The following CTPS1 variants were observed in gnomAD, a reference collection of about 807,000 sequenced individuals.
The protein encoded by CTPS1 is CTP synthase 1, also known as CTP synthetase 1.
In CTPS1, 25 loss-of-function variants were observed where a neutral mutation model predicts 80.5. The ratio of observed to expected loss-of-function variants is 0.31; its 90% CI spans 0.23 to 0.43. CTPS1 has a LOEUF of 0.43. Ranked by LOEUF, CTPS1 falls within the 20% of genes least tolerant of loss-of-function variation. The pLI is 1.00. For synonymous variants in CTPS1, 267 were observed against 252.5 expected, an observed-to-expected ratio of 1.06 and a Z score of -0.54; for missense variants, 442 against 725.7, an observed-to-expected ratio of 0.61 and a Z score of 4.49.
intron 18 of CTPS1, among the ~76,000 whole-genome samples, chr1:41,010,511 C>T (rs578113196): frequency 6.6e-6 from 1 of 152,304 alleles, no homozygotes; most frequent in East Asian, 1.9e-4. Flanking sequence ...GGAGCATGGT[C>T]ACTGGGCAGT....
At chr1:40,988,399 C>G (rs1642513570) in intron 4 of CTPS1, 195 bp from the exon 5 acceptor site, 1 of 518,838 alleles carries the variant, frequency 1.9e-6, no homozygotes, top group Non-Finnish European at 3.4e-6. Flanking sequence ...AAGGATGAGC[C>G]TGTCCAAAAG....
At chr1:41,005,697 A>C (rs1643016504) in intron 12 of CTPS1, among the ~76,000 whole-genome samples, 1 of 152,124 alleles carries the variant, frequency 6.6e-6, no homozygotes, top group Non-Finnish European at 1.5e-5. Flanking sequence ...GCTTGAGCCC[A>C]GGTGTTTGAG....
intron 12 of CTPS1, 109 bp downstream of exon 12, chr1:41,003,285 G>C: frequency 8.4e-7 from 1 of 1,194,798 alleles, no homozygotes; most frequent in South Asian, 1.3e-5. Flanking sequence ...GCAGGCCTGG[G>C]TTCCTAGCAC....
At chr1:40,989,416 AATC>A (rs1412770315) in intron 5 of CTPS1, among the ~76,000 whole-genome samples, 1 of 152,176 alleles carries the variant, frequency 6.6e-6, no homozygotes, top group Admixed American at 6.5e-5. Flanking sequence ...TGGTTCCCAG[AATC>A]ATCATGTTTA....
intron 12 of CTPS1, 29 bp downstream of exon 12, chr1:41,003,205 T>C: frequency 6.2e-7 from 1 of 1,612,782 alleles, no homozygotes; most frequent in Non-Finnish European, 8.5e-7. Flanking sequence ...ACTCATTCAA[T>C]TCCCGCTTGT....
chr1:41,000,549 G>A (rs12748235), intron 9 of CTPS1, among the ~76,000 whole-genome samples: 15,745 of 151,908 alleles, frequency 0.1, 1,196 homozygotes, highest in East Asian at 0.27. Flanking sequence ...CACCACGCCC[G>A]GCTCATTCTA....
chr1:40,995,826 A>G (rs1642738023), intron 7 of CTPS1, 91 bp from the exon 8 acceptor site: 2 of 1,301,200 alleles, frequency 1.5e-6, no homozygotes, highest in Admixed American at 2.3e-5. Context: ...TTTCAAATAC[A>G]TAATATTTTT....
chr1:41,000,783 A>G, intron 9 of CTPS1: 2 of 237,358 alleles, frequency 8.4e-6, no homozygotes, highest in East Asian at 1.1e-4. Context: ...AGAGTGCAGA[A>G]AGAGAGAGAT....
At chr1:41,006,011 G>A (rs139697206) in intron 12 of CTPS1, 40 bp from the exon 13 acceptor site, 103 of 1,526,864 alleles carry the variant, frequency 6.7e-5, no homozygotes, top group Middle Eastern at 3.4e-4. Context: ...AATCACTTTC[G>A]TTTGTAACTA....
chr1:40,984,253 G>A (rs1173662216), intron 2 of CTPS1, among the ~76,000 whole-genome samples: 1 of 152,120 alleles, frequency 6.6e-6, no homozygotes, highest in East Asian at 1.9e-4. Flanking sequence ...CTATTGTGAT[G>A]GTAGGAATGA....
chr1:41,007,566 G>A lies in CTPS1; in HGVS notation c.1393+21G>A, dbSNP rs1643065716. On this transcript the variant is annotated intron_variant, in intron 14 of 18. Coordinates refer to ENST00000650070, the MANE Select transcript of CTPS1 (RefSeq NM_001905.4). This position sits in a 1 kb window ranked among gnomAD's most constrained non-coding sequence, Gnocchi z 4.4. ...CATGAGTAAGAGCTGCCTCACGCTGGCCCAGCCTTTGGCTCTGCGTGCCCA... is the reference window on the plus strand; with the variant it reads ...CATGAGTAAGAGCTGCCTCACGCTGACCCAGCCTTTGGCTCTGCGTGCCCA... The A allele has an allele frequency of 1.9e-6, 3 of 1,607,306 alleles. No homozygotes were observed. The highest frequency in any genetic ancestry group is 2.6e-6 in the Non-Finnish European group (3 of 1,174,456).
rs1642892027 is a variant in CTPS1, at chr1:41,001,073, G to A, written c.1050G>A (p.Glu350=). 3 of 1,612,556 alleles carry A rather than the reference G, an allele frequency of 1.9e-6. No homozygotes were observed. In the South Asian group the frequency reaches 3.3e-5, roughly 18 times the overall value. ...ADLEPITSQE[E]PVRYHEAWQK... ...TGGAGCCCATCACCTCGCAAGAAGA[G>A]CCCGTGCGCTACCACGAAGCTTGGC... is the stretch of plus-strand genomic sequence containing the variant. Residue 350 remains glutamate (E), a synonymous_variant, in exon 10 of 19, where the codon GAG becomes GAA. Transcript: ENST00000650070.
intron 11 of CTPS1, 73 bp downstream of exon 11, chr1:41,002,327 T>C (rs1642922718): frequency 2.5e-6 from 3 of 1,194,502 alleles, no homozygotes; most frequent in Non-Finnish European, 2.5e-6. Flanking sequence ...TGGGAGCCTA[T>C]GAACAAAGTG....
Position 40,982,394 on chromosome 1 carries a change from C to CTTT in CTPS1, c.-13-881_-13-879dup, listed in dbSNP as rs138712726. 3.3e-5 allele frequency among the ~76,000 whole-genome samples: 5 copies of CTTT among 149,362 alleles called. 1 individual carries two copies. The highest frequency in any genetic ancestry group is 6.0e-5 in the Non-Finnish European group (4 of 67,076). ...GTTGTTAAATTATAGAAGAGAACTA[C>CTTT]TTTTTCTTTTTTTTTGAGGTAGTCT... On this transcript the variant is annotated intron_variant, in intron 1 of 18. Transcript: ENST00000650070.
In CTPS1 at chr1:40,988,825, G is replaced by A. The variant is rs1433459411; in HGVS notation, c.555+115G>A. The A allele has an allele frequency of 1.6e-5, 11 of 688,720 alleles. No individual in the cohort carries two copies. The Admixed American group carries it at 2.7e-4, about 17-fold the overall frequency. 42.7% of individuals were successfully genotyped at this position (688,720 alleles called of 1,614,324 possible). Reference sequence around the variant, plus strand: ...GTTTTCACTTGAGGTGCAGGAAGCAGAGAATAAAGAACTTTGTAAGTTTAA... The same window carrying A: ...GTTTTCACTTGAGGTGCAGGAAGCAAAGAATAAAGAACTTTGTAAGTTTAA... On this transcript the variant is annotated intron_variant, in intron 5 of 18. Coordinates refer to ENST00000650070, the MANE Select transcript of CTPS1 (RefSeq NM_001905.4).
intron 12 of CTPS1, among the ~76,000 whole-genome samples, chr1:41,005,065 G>A (rs1270732387): frequency 6.6e-6 from 1 of 152,058 alleles, no homozygotes; most frequent in Non-Finnish European, 1.5e-5. Context: ...GGAGGTGTAG[G>A]TTGCAGTGAG....
At chr1:40,996,237 G>T (rs1348684875) in intron 8 of CTPS1, 169 bp downstream of exon 8, 1 of 727,732 alleles carries the variant, frequency 1.4e-6, no homozygotes, top group Non-Finnish European at 2.2e-6. Flanking sequence ...CTGTCACGTA[G>T]CTGTGGCACA....
In CTPS1 at chr1:41,007,549, A is replaced by G; in HGVS notation, c.1393+4A>G. 6.2e-7 allele frequency: 1 copy of G among 1,612,712 alleles called. No homozygotes were observed. The highest frequency in any genetic ancestry group is 1.1e-5 in the South Asian group (1 of 91,040). On this transcript the variant is annotated splice_donor_region_variant and intron_variant, in intron 14 of 18. Transcript: ENST00000650070. This position sits in a 1 kb window ranked among gnomAD's most constrained non-coding sequence, Gnocchi z 4.4. Reference sequence around the variant, plus strand: ...CAGACCAAGAACTCAGTCATGAGTAAGAGCTGCCTCACGCTGGCCCAGCCT... The same window carrying G: ...CAGACCAAGAACTCAGTCATGAGTAGGAGCTGCCTCACGCTGGCCCAGCCT...
chr1:40,980,321 G>C (rs72656970), intron 1 of CTPS1: 24,040 of 151,992 alleles, frequency 0.16, 2,281 homozygotes, highest in East Asian at 0.3. Flanking sequence ...CCCGGGGCTG[G>C]GCGCGGCAGC....
Sources: allele counts gnomAD v4.1 joint callset (sites outside exome capture counted in the v4.1 genomes callset), GRCh38; gene constraint gnomAD v4.1.1; non-coding constraint Gnocchi (gnomAD v3.1); transcripts MANE v1.5; gene names NCBI Gene and HGNC (gene_info 2026-07-23, HGNC 2026-07-21).